THADA: variants seen among roughly 807,000 people sequenced by gnomAD.
THADA encodes the protein tRNA (32-2'-O)-methyltransferase regulator THADA.
In THADA, 213 loss-of-function variants were observed where a neutral mutation model predicts 219.8. The ratio of observed to expected loss-of-function variants is 0.97; its 90% CI spans 0.87 to 1.09. THADA has a LOEUF of 1.09. Among genes scored for constraint, THADA ranks in the 50% least tolerant of loss-of-function variants. THADA has a pLI of 0.00. For missense variants in THADA, 2,956 were observed against 2,311.3 expected, an observed-to-expected ratio of 1.28 and a Z score of -5.72; for synonymous variants, 1,018 against 828.9, an observed-to-expected ratio of 1.23 and a Z score of -3.92.
intron 1 of THADA, among the ~76,000 whole-genome samples, chr2:43,595,020 A>G (rs563785015): frequency 2.0e-5 from 3 of 152,218 alleles, no homozygotes; most frequent in Admixed American, 6.5e-5. Flanking sequence ...CAGCAACTTT[A>G]ATCTATTTTG....
At chr2:43,494,418 G>C (rs1358796812) in intron 25 of THADA, among the ~76,000 whole-genome samples, 3 of 152,088 alleles carry the variant, frequency 2.0e-5, no homozygotes, top group Non-Finnish European at 4.4e-5. Flanking sequence ...TGTTTAATAA[G>C]AAAATAGGGC....
chr2:43,508,699 T>G lies in THADA; in HGVS notation c.3456A>C (p.Ser1152=), dbSNP rs200109940. The G allele has an allele frequency of 7.3e-5, 117 of 1,613,624 alleles. No individual in the cohort carries two copies. Among genetic ancestry groups the G allele is most frequent in the Non-Finnish European group, 5.7e-5 (67 of 1,179,726 alleles). ...TGCGCCTTGTAGCACAGAGTTTAGA[T>G]GAAGGATCACTGCATTTAATTTCCT... ...VLEEIKCSDP[S]SKLCATRRSA... The change falls in exon 23 of 38, where the codon TCA becomes TCC. Residue 1152 remains serine (S), a synonymous_variant. Transcript: ENST00000405975.
intron 28 of THADA, among the ~76,000 whole-genome samples, chr2:43,413,917 G>A (rs967651187): frequency 6.6e-6 from 1 of 152,186 alleles, no homozygotes; most frequent in African/African-American, 2.4e-5. Flanking sequence ...ATTGGTTCTA[G>A]GACCCGTGAG....
intron 16 of THADA, among the ~76,000 whole-genome samples, chr2:43,558,525 T>C (rs1480357670): frequency 6.6e-6 from 1 of 152,168 alleles, no homozygotes; most frequent in African/African-American, 2.4e-5. Flanking sequence ...CACAATCTAA[T>C]CAGATGCCAG....
At position 43,541,289 on chromosome 2, in the gene THADA, G is replaced by A; in HGVS notation, c.3134C>T (p.Thr1045Ile). 6.2e-7 allele frequency: 1 copy of A among 1,613,156 alleles called. No homozygotes were observed. Among genetic ancestry groups the A allele is most frequent in the South Asian group, 1.1e-5 (1 of 90,988 alleles). The change falls in exon 21 of 38, where the codon ACT (threonine) becomes ATT (isoleucine). Residue 1045 changes from threonine to isoleucine, a missense_variant. Transcript: ENST00000405975. ...KGKEVKTCDV[T>I]AQMVLVCCWR... ...ACAACATACCAGCACCATCTGCGCA[G>A]TTACATCACATGTTTTTACTTCTTT...
chr2:43,429,008 T>C (rs1678874872), intron 27 of THADA, among the ~76,000 whole-genome samples: 1 of 152,372 alleles, frequency 6.6e-6, no homozygotes, highest in Non-Finnish European at 1.5e-5. Flanking sequence ...ACAATTAGTG[T>C]ACATTCATAC....
intron 26 of THADA, among the ~76,000 whole-genome samples, chr2:43,454,739 T>G (rs1255922730): frequency 1.3e-5 from 2 of 152,196 alleles, no homozygotes; most frequent in African/African-American, 4.8e-5. Context: ...AGAAAGATAT[T>G]TTCCTTGTCC....
At chr2:43,444,080 T>C (rs1429137823) in intron 26 of THADA, among the ~76,000 whole-genome samples, 4 of 152,200 alleles carry the variant, frequency 2.6e-5, no homozygotes, top group Non-Finnish European at 4.4e-5. Context: ...TAGCACTATA[T>C]GGTTATTGAG....
chr2:43,482,552 G>A (rs911356342), intron 26 of THADA, among the ~76,000 whole-genome samples: 4 of 152,162 alleles, frequency 2.6e-5, no homozygotes, highest in Non-Finnish European at 4.4e-5. Flanking sequence ...TGGCTATTTT[G>A]TCTCAGTTGA....
intron 35 of THADA, among the ~76,000 whole-genome samples, chr2:43,286,633 G>A (rs955081060): frequency 6.6e-6 from 1 of 152,140 alleles, no homozygotes; most frequent in African/African-American, 2.4e-5. Flanking sequence ...ACTGAGGCAG[G>A]AGGATTGCTT....
In THADA at chr2:43,416,322, G is replaced by A. The variant is rs1389488768; in HGVS notation, c.4058+11778C>T. ...CAATTCAACTTTTCCTGGGCTACCT[G>A]GATATATTTTTCCACAGTTTCTGCT... On this transcript the variant is annotated intron_variant, in intron 28 of 37. Coordinates refer to ENST00000405975, the MANE Select transcript of THADA (RefSeq NM_022065.5). Among the ~76,000 whole-genome samples the A allele has an allele frequency of 3.3e-5, 5 of 152,088 alleles. No homozygotes were observed. In the East Asian group the frequency reaches 9.6e-4, roughly 29 times the overall value.
At chr2:43,396,143 G>C (rs1674016490) in intron 29 of THADA, among the ~76,000 whole-genome samples, 1 of 152,172 alleles carries the variant, frequency 6.6e-6, no homozygotes, top group Non-Finnish European at 1.5e-5. Flanking sequence ...GAGGTCCTGA[G>C]ACAAATTTGA....
chr2:43,428,861 C>T (rs1678860711), intron 27 of THADA, among the ~76,000 whole-genome samples: 1 of 152,080 alleles, frequency 6.6e-6, no homozygotes, highest in South Asian at 2.1e-4. Context: ...AAATGTGAAA[C>T]TTTCAACATC....
At chr2:43,457,133 TACACACACACACACACACAC>T (rs35803641) in intron 26 of THADA, among the ~76,000 whole-genome samples, 62 of 126,258 alleles carry the variant, frequency 4.9e-4, no homozygotes, top group East Asian at 2.3e-3. Context: ...TTAGGATATC[TACACACACACACACACACAC>T]ACACACACAC....
In THADA at chr2:43,574,848, G is replaced by A. The variant is rs1188749010; in HGVS notation, c.1217C>T (p.Ala406Val). 5 of 1,613,846 alleles carry A rather than the reference G, an allele frequency of 3.1e-6. No homozygotes were observed. In the African/African-American group the frequency reaches 5.3e-5, roughly 17 times the overall value. ...CATGATTTTGGTTTGGTGTCTCAGA[G>A]CATCCAATGGATGTTCCCAATGGGT... ...VYTHWEHPLD[A>V]LRHQTKIMFK... Residue 406 changes from alanine (A) to valine (V), a missense_variant, in exon 11 of 38, where the codon GCT becomes GTT. By Grantham distance (64) the Ala-to-Val change is moderately conservative. Transcript: ENST00000405975.
At chr2:43,595,009 G>T (rs573714402) in intron 1 of THADA, among the ~76,000 whole-genome samples, 5 of 152,308 alleles carry the variant, frequency 3.3e-5, no homozygotes, top group Admixed American at 1.3e-4. Flanking sequence ...CTGAATGAAG[G>T]CAGCAACTTT....
intron 35 of THADA, among the ~76,000 whole-genome samples, chr2:43,281,869 A>G (rs1347336902): frequency 6.6e-6 from 1 of 152,146 alleles, no homozygotes; most frequent in Non-Finnish European, 1.5e-5. Context: ...TCCCAGGTTC[A>G]AGGAATTCTC....
At chr2:43,588,842 A>G (rs1025974126) in intron 4 of THADA, among the ~76,000 whole-genome samples, 7 of 152,152 alleles carry the variant, frequency 4.6e-5, no homozygotes, top group African/African-American at 1.7e-4. Context: ...AGAAATACAC[A>G]TATATAATTA....
chr2:43,273,270 C>CAAAA (rs978782406), intron 36 of THADA, among the ~76,000 whole-genome samples: 15 of 115,918 alleles, frequency 1.3e-4, no homozygotes, highest in African/African-American at 4.3e-4. Flanking sequence ...ACAACAACAA[C>CAAAA]AAAAAAAAAA....
Sources: allele counts gnomAD v4.1 joint callset (sites outside exome capture counted in the v4.1 genomes callset), GRCh38; gene constraint gnomAD v4.1.1; transcripts MANE v1.5; gene names NCBI Gene and HGNC (gene_info 2026-07-23, HGNC 2026-07-21).